CCDC191: variants seen among roughly 807,000 people sequenced by gnomAD.
CCDC191 encodes coiled-coil domain-containing protein 191.
A neutral mutation model predicts 114.0 loss-of-function variants in CCDC191; 99 were observed. That is an observed-to-expected ratio of 0.87 (90% CI 0.74 to 1.03). The LOEUF (loss-of-function observed/expected upper bound fraction) is 1.03, where lower values mean the gene tolerates loss of function less well. Ranked by LOEUF, CCDC191 falls within the 50% of genes least tolerant of loss-of-function variation. The pLI, the probability that CCDC191 is intolerant of heterozygous loss-of-function variation, is 0.00. For synonymous variants in CCDC191, 351 were observed against 376.0 expected (o/e 0.93, Z 0.77); for missense variants, 973 against 1,087.0 (o/e 0.90, Z 1.47).
At chr3:114,056,348 C>G (rs760806816) in intron 1 of CCDC191, 29 bp downstream of exon 1, 2 of 1,608,820 alleles carry the variant, frequency 1.2e-6, no homozygotes, top group Non-Finnish European at 1.7e-6. Flanking sequence ...GGAAAGTCCC[C>G]GCCCTCCAAA....
In CCDC191 at chr3:114,027,619, A is replaced by G. The variant is rs538522782; in HGVS notation, c.972+4007T>C. Among the ~76,000 whole-genome samples the G allele has an allele frequency of 4.6e-3, 688 of 148,390 alleles. 1 individual carries two copies. The highest frequency in any genetic ancestry group is 0.023 in the Middle Eastern group (6 of 258). The stretch of plus-strand genomic sequence containing the variant: ...TCTGTCTCAAAAAAAAAAAAAAAAA[A>G]AAAGAAAAAAAAATCCAGAATTAAA... On this transcript the variant is annotated intron_variant, in intron 7 of 16. Coordinates refer to ENST00000295878, the MANE Select transcript of CCDC191 (RefSeq NM_020817.2).
chr3:114,011,893 T>C (rs1182479933), intron 8 of CCDC191, among the ~76,000 whole-genome samples: 2 of 152,210 alleles, frequency 1.3e-5, no homozygotes, highest in Non-Finnish European at 2.9e-5. Flanking sequence ...TGAATGGTTA[T>C]TATCCTGAAG....
Position 114,018,717 on chromosome 3 carries a change from T to A in CCDC191, c.1124A>T (p.Glu375Val), listed in dbSNP as rs762637903. Residue 375 changes from glutamate to valine, a missense_variant, in exon 8 of 17, where the codon GAG (glutamate) becomes GTG (valine). Transcript: ENST00000295878. ...DYTRFQKLER[E>V]TQALENDLRE... is the part of the protein sequence containing the mutation. ...AAGATCATTTTCCAAGGCTTGAGTC[T>A]CCCGCTCCAACTTCTGGAATCTTGT... The A allele has an allele frequency of 1.2e-6, 2 of 1,613,016 alleles. No individual in the cohort carries two copies. The highest frequency in any genetic ancestry group is 3.3e-5 in the Admixed American group (2 of 59,832).
chr3:114,007,906 G>C (rs185027979), intron 9 of CCDC191, among the ~76,000 whole-genome samples: 1 of 151,616 alleles, frequency 6.6e-6, no homozygotes, highest in East Asian at 1.9e-4. Flanking sequence ...AGTCTCTACA[G>C]GGTCTATTGT....
intron 1 of CCDC191, chr3:114,054,137 C>T (rs906192863): frequency 6.6e-6 from 1 of 152,200 alleles, no homozygotes; most frequent in Admixed American, 6.5e-5. Context: ...CCAATAAAAA[C>T]TGAAGGTTAA....
intron 13 of CCDC191, among the ~76,000 whole-genome samples, chr3:113,988,087 A>G (rs1035009556): frequency 6.6e-6 from 1 of 152,020 alleles, no homozygotes; most frequent in Non-Finnish European, 1.5e-5. Context: ...ACTCCAAAAA[A>G]ACACAATAAA....
At chr3:113,994,449 A>G (rs1388480262) in intron 13 of CCDC191, among the ~76,000 whole-genome samples, 1 of 152,202 alleles carries the variant, frequency 6.6e-6, no homozygotes, top group Non-Finnish European at 1.5e-5. Flanking sequence ...GTAGGAACAC[A>G]AAATGGTGCA....
At chr3:113,972,219 T>G (rs373813175) in intron 16 of CCDC191, among the ~76,000 whole-genome samples, 3 of 152,232 alleles carry the variant, frequency 2.0e-5, no homozygotes, top group East Asian at 1.9e-4. Flanking sequence ...GCTATAAACT[T>G]CTCTCTTAAA....
chr3:113,978,203 T>C lies in CCDC191; in HGVS notation c.2589A>G (p.Ala863=). 2.5e-6 allele frequency: 4 copies of C among 1,614,086 alleles called. No individual in the cohort carries two copies. Among genetic ancestry groups the C allele is most frequent in the Non-Finnish European group, 3.4e-6 (4 of 1,179,958 alleles). The change falls in exon 16 of 17, where the codon GCA becomes GCG. Residue 863 remains alanine, a synonymous_variant. Transcript: ENST00000295878. ...KIDSQGKHEI[A]AEHSDRRILW... Reference sequence around the variant, plus strand: ...AACCTCACCTGTCACTGTGCTCCGCTGCAATCTCATGCTTGCCCTGAGAAT... The same window carrying C: ...AACCTCACCTGTCACTGTGCTCCGCCGCAATCTCATGCTTGCCCTGAGAAT...
intron 8 of CCDC191, among the ~76,000 whole-genome samples, chr3:114,018,167 C>T (rs1383025153): frequency 6.6e-6 from 1 of 152,164 alleles, no homozygotes; most frequent in Non-Finnish European, 1.5e-5. Flanking sequence ...ATTTTATGTG[C>T]AGACAGTGAT....
chr3:113,975,120 T>C (rs746972488), intron 16 of CCDC191, among the ~76,000 whole-genome samples: 3 of 152,038 alleles, frequency 2.0e-5, no homozygotes, highest in Admixed American at 6.6e-5. Context: ...GTGACTTTCA[T>C]TACTACCTAC....
At chr3:113,985,305 C>T (rs1178846315) in intron 13 of CCDC191, among the ~76,000 whole-genome samples, 2 of 152,132 alleles carry the variant, frequency 1.3e-5, no homozygotes, top group African/African-American at 4.8e-5. Context: ...GTCCTAGCAA[C>T]CAACCCAGTA....
intron 2 of CCDC191, among the ~76,000 whole-genome samples, chr3:114,047,501 A>T (rs2107757672): frequency 6.6e-6 from 1 of 152,192 alleles, no homozygotes; most frequent in African/African-American, 2.4e-5. Context: ...AACTCTAGTT[A>T]AAAAATAAAA....
chr3:114,043,399 C>A (rs977338602), intron 3 of CCDC191, among the ~76,000 whole-genome samples: 19 of 152,204 alleles, frequency 1.2e-4, no homozygotes, highest in African/African-American at 4.6e-4. Flanking sequence ...AATCTTGCCC[C>A]CCAGTGGACT....
At chr3:114,040,950 A>G (rs2076551775) in intron 4 of CCDC191, among the ~76,000 whole-genome samples, 1 of 152,044 alleles carries the variant, frequency 6.6e-6, no homozygotes, top group South Asian at 2.1e-4. Flanking sequence ...GTGTCTATTG[A>G]GATAATATGT....
chr3:113,999,951 T>C (rs2075821584), intron 13 of CCDC191, among the ~76,000 whole-genome samples: 1 of 152,194 alleles, frequency 6.6e-6, no homozygotes, highest in Admixed American at 6.5e-5. Flanking sequence ...ATGTTTTTAG[T>C]TGTATGCTGG....
intron 7 of CCDC191, among the ~76,000 whole-genome samples, chr3:114,021,548 G>A (rs897777052): frequency 6.6e-6 from 1 of 152,064 alleles, no homozygotes; most frequent in African/African-American, 2.4e-5. Context: ...CCATAAATGT[G>A]TTCGAAGAAA....
Position 113,965,310 on chromosome 3 carries a change from T to G in CCDC191, c.2656A>C (p.Met886Leu), listed in dbSNP as rs779967566. ...LRTWKKFVKF[M>L]KEERVKEERR... ...TCTTCTTTTACTCTTTCCTCTTTCA[T>G]AAATTTTACAAACTTCTTCCATGTC... The change falls in exon 17 of 17, where the codon ATG (methionine) becomes CTG (leucine). Residue 886 changes from methionine (M) to leucine (L), a missense_variant. By Grantham distance (15) the Met-to-Leu change is conservative. Transcript: ENST00000295878. The G allele has an allele frequency of 6.2e-7, 1 of 1,610,870 alleles. No homozygotes were observed. The highest frequency in any genetic ancestry group is 1.1e-5 in the South Asian group (1 of 90,394).
chr3:114,031,877 C>T (rs982886784), intron 6 of CCDC191, 98 bp from the exon 7 acceptor site: 9 of 617,284 alleles, frequency 1.5e-5, no homozygotes, highest in Non-Finnish European at 2.2e-5. Flanking sequence ...AATTCTCCTT[C>T]GGAATACACA....
Sources: gnomAD v4.1 joint callset for allele counts (sites outside exome capture counted in the v4.1 genomes callset) on GRCh38, gnomAD v4.1.1 for gene constraint, MANE v1.5 for transcripts, NCBI Gene and HGNC (gene_info 2026-07-23, HGNC 2026-07-21) for gene names.